Variants in CHD1 observed in about 807,000 individuals in gnomAD.
CHD1 encodes ATP-dependent chromatin remodeler CHD1.
In CHD1, 36 loss-of-function variants were observed where a neutral mutation model predicts 224.2. The ratio of observed to expected loss-of-function variants is 0.16; its 90% CI spans 0.12 to 0.21. The LOEUF is 0.21. Ranked by LOEUF, CHD1 falls within the 10% of genes least tolerant of loss-of-function variation. CHD1 has a pLI of 1.00. For missense variants in CHD1, 1,378 were observed against 1,994.8 expected, an observed-to-expected ratio of 0.69 and a Z score of 5.89; for synonymous variants, 668 against 658.3, an observed-to-expected ratio of 1.01 and a Z score of -0.23.
intron 2 of CHD1, among the ~76,000 whole-genome samples, chr5:98,906,362 T>G (rs1752051517): frequency 6.6e-6 from 1 of 152,210 alleles, no homozygotes; most frequent in Non-Finnish European, 1.5e-5. Context: ...AACAGCATAT[T>G]AAATTTTAAT....
At chr5:98,898,627 T>A (rs1751495789) in intron 9 of CHD1, 37 bp downstream of exon 9, 3 of 1,363,556 alleles carry the variant, frequency 2.2e-6, no homozygotes, top group Non-Finnish European at 3.1e-6. Flanking sequence ...ATTTCAAGCA[T>A]AAAAAGAAAG....
chr5:98,876,269 T>C, intron 24 of CHD1, 129 bp downstream of exon 24: 1 of 905,312 alleles, frequency 1.1e-6, no homozygotes, highest in Non-Finnish European at 1.7e-6. Flanking sequence ...AACCACCCAA[T>C]TCCTACTCAA....
intron 33 of CHD1, among the ~76,000 whole-genome samples, chr5:98,859,383 G>C (rs1056515361): frequency 5.3e-5 from 8 of 152,032 alleles, no homozygotes; most frequent in African/African-American, 1.7e-4. Flanking sequence ...ACTTCATTCA[G>C]ATTTCACATT....
intron 23 of CHD1, among the ~76,000 whole-genome samples, 171 bp from the exon 24 acceptor site, chr5:98,876,729 T>C (rs1213437172): frequency 2.0e-5 from 3 of 152,244 alleles, no homozygotes; most frequent in Non-Finnish European, 2.9e-5. Flanking sequence ...CTCTGGTGGA[T>C]ATTTTGATTT....
chr5:98,927,625 G>A (rs148362349), intron 1 of CHD1, among the ~76,000 whole-genome samples: 69 of 152,314 alleles, frequency 4.5e-4, no homozygotes, highest in Non-Finnish European at 8.2e-4. Flanking sequence ...TATTCCTAAT[G>A]TTAAATATTA....
At chr5:98,866,372 C>T (rs1748867903) in intron 31 of CHD1, among the ~76,000 whole-genome samples, 2 of 152,004 alleles carry the variant, frequency 1.3e-5, no homozygotes, top group South Asian at 4.2e-4. Context: ...AGAGCATGAA[C>T]AATAGTTGAA....
intron 2 of CHD1, among the ~76,000 whole-genome samples, chr5:98,905,757 G>A (rs140622614): frequency 1.3e-5 from 2 of 152,188 alleles, no homozygotes; most frequent in African/African-American, 2.4e-5. Context: ...ATTTCCTAAC[G>A]TGTATACACA....
chr5:98,921,241 T>C (rs1046331583), intron 2 of CHD1, among the ~76,000 whole-genome samples: 1 of 152,206 alleles, frequency 6.6e-6, no homozygotes, highest in Admixed American at 6.5e-5. Context: ...GTTGCCATTG[T>C]TACTGCTTCC....
At chr5:98,869,708 A>T (rs1311311988) in intron 30 of CHD1, 46 bp downstream of exon 30, 1 of 1,597,356 alleles carries the variant, frequency 6.3e-7, no homozygotes, top group Admixed American at 1.7e-5. Context: ...AACATGCCAT[A>T]TTCCCTTTCC....
intron 2 of CHD1, among the ~76,000 whole-genome samples, 163 bp from the exon 3 acceptor site, chr5:98,905,261 C>A (rs891525578): frequency 6.6e-6 from 1 of 152,140 alleles, no homozygotes; most frequent in African/African-American, 2.4e-5. Context: ...TCTATAGTAA[C>A]AACTGCCATA....
chr5:98,928,264 G>A (rs939130063), intron 1 of CHD1, among the ~76,000 whole-genome samples: 1 of 152,030 alleles, frequency 6.6e-6, no homozygotes, highest in Non-Finnish European at 1.5e-5. Flanking sequence ...CCATTCGCGG[G>A]TCTCCTCTCG....
In CHD1 at chr5:98,903,831, TTGC is replaced by T. The variant is rs749234375; in HGVS notation, c.330_332del (p.Gln113del). ...TATTAGATGAGGCTTGATGTTGTTG[TTGC>T]TGCTGCTGCTGTTGCTGCTTCTTGA... On this transcript the variant is annotated inframe_deletion, in exon 4 of 36. Transcript: ENST00000614616. 3.7e-6 allele frequency: 6 copies of T among 1,613,216 alleles called. No individual in the cohort carries two copies. Among genetic ancestry groups the T allele is most frequent in the Non-Finnish European group, 5.1e-6 (6 of 1,179,344 alleles).
At chr5:98,917,127 C>T (rs1752781574) in intron 2 of CHD1, among the ~76,000 whole-genome samples, 1 of 152,060 alleles carries the variant, frequency 6.6e-6, no homozygotes, top group South Asian at 2.1e-4. Context: ...TCCTAGGACT[C>T]ATTAGCTTTT....
At chr5:98,927,661 A>T (rs559118188) in intron 1 of CHD1, among the ~76,000 whole-genome samples, 32 of 152,348 alleles carry the variant, frequency 2.1e-4, no homozygotes, top group African/African-American at 7.5e-4. Context: ...AAAGTGCCTT[A>T]CTGAACAATT....
At chr5:98,886,093 G>C (rs1368874342) in intron 17 of CHD1, 2 of 154,396 alleles carry the variant, frequency 1.3e-5, no homozygotes, top group Non-Finnish European at 2.9e-5. Context: ...GTCCAGCGTG[G>C]TTACTAGAAC....
Position 98,869,821 on chromosome 5 carries a change from A to C in CHD1, c.4040T>G (p.Val1347Gly). ...KKNKAMKSIK[V>G]KEEIKSDSSP... ...AGAATCACTCTTTATTTCCTCTTTC[A>C]CTTTTATAGACTTCATTGCTTTATT... Residue 1347 changes from valine to glycine, a missense_variant, in exon 30 of 36, where the codon GTG (valine) becomes GGG (glycine). Val to Gly is a moderately radical substitution (Grantham distance 109). Around this residue, in one of 16 missense-constraint regions of CHD1, gnomAD observed 105 missense variants for 93.4 expected, o/e 1.12. Coordinates refer to ENST00000614616, the MANE Select transcript of CHD1 (RefSeq NM_001270.4). The C allele has an allele frequency of 6.2e-7, 1 of 1,610,162 alleles. No individual in the cohort carries two copies. The highest frequency in any genetic ancestry group is 2.2e-5 in the East Asian group (1 of 44,800).
rs756851728 is a variant in CHD1 at position 98,856,525 on chromosome 5, T to C, written c.4988A>G (p.Asp1663Gly). ...KSSRDYRYHS[D>G]WQMDHRASSS... ...GGAAGCTCTGTGGTCCATTTGCCAGTCTGAGTGATACCTATAATCCCTGGA... is the reference window on the plus strand; with the variant it reads ...GGAAGCTCTGTGGTCCATTTGCCAGCCTGAGTGATACCTATAATCCCTGGA... Residue 1663 changes from aspartate to glycine, a missense_variant, in exon 36 of 36, where the codon GAC becomes GGC. Asp to Gly is a moderately conservative substitution (Grantham distance 94). This residue lies in a region of CHD1 where 278 missense variants were observed against 298.5 expected (regional missense o/e 0.93). Coordinates refer to ENST00000614616, the MANE Select transcript of CHD1 (RefSeq NM_001270.4). 6 of 1,613,918 alleles carry C rather than the reference T, an allele frequency of 3.7e-6. No individual in the cohort carries two copies. In the East Asian group the frequency reaches 1.3e-4, roughly 36 times the overall value.
At chr5:98,865,193 G>C (rs1748766537) in intron 31 of CHD1, among the ~76,000 whole-genome samples, 1 of 152,140 alleles carries the variant, frequency 6.6e-6, no homozygotes, top group Non-Finnish European at 1.5e-5. Context: ...AAACAAACAT[G>C]AAAGTCCTAA....
intron 30 of CHD1, chr5:98,869,353 G>C: frequency 1.4e-6 from 1 of 693,506 alleles, no homozygotes; most frequent in South Asian, 6.3e-5. Context: ...TATGACTACA[G>C]ATTGCATGTA....
Sources: allele counts gnomAD v4.1 joint callset (sites outside exome capture counted in the v4.1 genomes callset), GRCh38; gene constraint gnomAD v4.1.1; regional missense constraint gnomAD v4.1.1; transcripts MANE v1.5; gene names NCBI Gene and HGNC (gene_info 2026-07-23, HGNC 2026-07-21).